Variants in GSE1 observed in about 807,000 individuals in gnomAD.
GSE1 encodes genetic suppressor element 1.
In GSE1, 32 loss-of-function variants were observed where a neutral mutation model predicts 112.6. That is an observed-to-expected ratio of 0.28 (90% CI 0.21 to 0.38). The LOEUF (loss-of-function observed/expected upper bound fraction) is 0.38, where lower values mean the gene tolerates loss of function less well. Ranked by LOEUF, GSE1 falls within the 10% of genes least tolerant of loss-of-function variation. The pLI is 1.00. For synonymous variants in GSE1, 1,115 were observed against 735.6 expected (o/e 1.52, Z -8.35); for missense variants, 2,348 against 1,699.2 (o/e 1.38, Z -6.71).
intron 1 of GSE1, among the ~76,000 whole-genome samples, chr16:85,253,235 C>G (rs557909822): frequency 7.9e-5 from 12 of 152,324 alleles, no homozygotes; most frequent in African/African-American, 2.9e-4. Context: ...CTCACAGCAC[C>G]CGCCTGGCTT....
In GSE1 at chr16:85,521,442, T is replaced by TG. The variant is rs551081465; in HGVS notation, c.2465-112472_2465-112471insG. Among the ~76,000 whole-genome samples the TG allele has an allele frequency of 3.1e-3, 473 of 152,252 alleles. 2 individuals carry two copies. Among genetic ancestry groups the TG allele is most frequent in the Middle Eastern group, 0.01 (3 of 294 alleles). On this transcript the variant is annotated intron_variant, in intron 2 of 2. Transcript: ENST00000637419. ...GCCTCCTTGGGCACACTCACTCTCC[T>TG]CCTGCCTGCAGCAGAATCCTGTCCA... is the stretch of plus-strand genomic sequence containing the variant.
intron 2 of GSE1, among the ~76,000 whole-genome samples, chr16:85,640,432 A>G (rs967609105): frequency 3.9e-5 from 6 of 152,214 alleles, no homozygotes; most frequent in Admixed American, 2.0e-4. Flanking sequence ...CTCTCTTGTC[A>G]TCGAGGCCCG....
At chr16:85,506,536 C>T (rs2051540251) in intron 2 of GSE1, among the ~76,000 whole-genome samples, 1 of 152,046 alleles carries the variant, frequency 6.6e-6, no homozygotes, top group Non-Finnish European at 1.5e-5. Flanking sequence ...ATCAGGGGAG[C>T]TTCTGGAGTG....
intron 2 of GSE1, among the ~76,000 whole-genome samples, chr16:85,470,588 A>G (rs941444909): frequency 2.6e-5 from 4 of 152,112 alleles, no homozygotes; most frequent in Non-Finnish European, 4.4e-5. Flanking sequence ...TTCCTTCCCA[A>G]TGCAATTGCT....
intron 2 of GSE1, among the ~76,000 whole-genome samples, chr16:85,362,952 C>A (rs531055284): frequency 8.6e-5 from 13 of 151,102 alleles, no homozygotes; most frequent in Admixed American, 2.6e-4. Context: ...TCTCCCACCT[C>A]AGCCTCCCGA....
At chr16:85,392,291 G>C (rs2047857996) in intron 2 of GSE1, among the ~76,000 whole-genome samples, 1 of 152,216 alleles carries the variant, frequency 6.6e-6, no homozygotes, top group Non-Finnish European at 1.5e-5. Flanking sequence ...GATCCAGAAA[G>C]AAAAACACAG....
chr16:85,602,509 C>A (rs77426487), intron 1 of GSE1, among the ~76,000 whole-genome samples: 1,595 of 152,226 alleles, frequency 0.01, 19 homozygotes, highest in Non-Finnish European at 0.019. Flanking sequence ...GCTCCCCTGA[C>A]CTTGCCGGAT....
At chr16:85,671,413 C>T (rs2053321876) in intron 15 of GSE1, among the ~76,000 whole-genome samples, 1 of 126,804 alleles carries the variant, frequency 7.9e-6, no homozygotes, top group African/African-American at 3.1e-5. Context: ...GCACTCCAGC[C>T]TGGGCGACAG....
At chr16:85,198,676 T>C (rs2074973453) in intron 1 of GSE1, among the ~76,000 whole-genome samples, 1 of 152,174 alleles carries the variant, frequency 6.6e-6, no homozygotes, top group Admixed American at 6.5e-5. Context: ...ATGCCCCCAT[T>C]TGATTCCGCC....
intron 1 of GSE1, among the ~76,000 whole-genome samples, chr16:85,339,665 C>T (rs1026229134): frequency 5.3e-5 from 8 of 149,602 alleles, no homozygotes; most frequent in East Asian, 3.9e-4. Flanking sequence ...GGGGTGGGGG[C>T]GGTTCTTTTT....
At chr16:85,292,030 G>GC (rs1256121179) in intron 1 of GSE1, among the ~76,000 whole-genome samples, 3 of 152,094 alleles carry the variant, frequency 2.0e-5, no homozygotes, top group African/African-American at 4.8e-5. Flanking sequence ...GGGAGGTGCC[G>GC]CCCCCCATAT....
intron 2 of GSE1, among the ~76,000 whole-genome samples, chr16:85,455,984 G>C (rs2049816140): frequency 6.6e-6 from 1 of 152,216 alleles, no homozygotes; most frequent in South Asian, 2.1e-4. Context: ...TAGAGACGAG[G>C]AAACTAAGGC....
intron 1 of GSE1, among the ~76,000 whole-genome samples, chr16:85,234,898 C>A (rs1025684793): frequency 6.6e-6 from 1 of 152,150 alleles, no homozygotes. Flanking sequence ...GAAACAAAGG[C>A]GGCTGCCGGC....
rs535966937 is a variant in GSE1, at chr16:85,326,060, A to G, written c.2284-31403A>G. ...CCACCCCCAGCTCAGTCAATTTTAAAAATACGTTCATATGAAAAATTTGAC... is the reference window on the plus strand; with the variant it reads ...CCACCCCCAGCTCAGTCAATTTTAAGAATACGTTCATATGAAAAATTTGAC... On this transcript the variant is annotated intron_variant, in intron 1 of 2. Transcript: ENST00000637419. 3.9e-5 allele frequency among the ~76,000 whole-genome samples: 6 copies of G among 152,270 alleles called. No homozygotes were observed. The South Asian group carries it at 1.2e-3, about 32-fold the overall frequency.
At position 85,204,733 on chromosome 16, in the gene GSE1, C is replaced by T. The variant is rs114086791; in HGVS notation, c.2283+32926C>T. On this transcript the variant is annotated intron_variant, in intron 1 of 2. Coordinates refer to the GSE1 transcript ENST00000637419. ...AGGGATCTGCCCTTCTTGGGGACTC[C>T]TGTTTCCCCAGCAGCAAGCTGAGCT... 6.2e-3 allele frequency among the ~76,000 whole-genome samples: 947 copies of T among 152,362 alleles called. 17 individuals are homozygous for T. The highest frequency in any genetic ancestry group is 0.022 in the African/African-American group (906 of 41,582).
intron 1 of GSE1, among the ~76,000 whole-genome samples, chr16:85,312,170 T>C (rs897990271): frequency 1.5e-5 from 2 of 135,742 alleles, no homozygotes; most frequent in African/African-American, 6.1e-5. Flanking sequence ...TCAGAGAACA[T>C]TGCAATCCCT....
rs11864799 is a variant in GSE1, at chr16:85,332,534, T to C, written c.2284-24929T>C. Reference sequence around the variant, plus strand: ...CCAGCAGCTCTTGGTTAATATGACTTACGGTGTCCAAAGCCCCCTCCCCGT... The same window carrying C: ...CCAGCAGCTCTTGGTTAATATGACTCACGGTGTCCAAAGCCCCCTCCCCGT... On this transcript the variant is annotated intron_variant, in intron 1 of 2. Transcript: ENST00000637419. Among the ~76,000 whole-genome samples the C allele has an allele frequency of 1.9e-3, 283 of 152,172 alleles. 1 individual carries two copies. Among genetic ancestry groups the C allele is most frequent in the African/African-American group, 6.7e-3 (277 of 41,530 alleles).
At chr16:85,420,569 G>C (rs937614886) in intron 2 of GSE1, among the ~76,000 whole-genome samples, 2 of 152,128 alleles carry the variant, frequency 1.3e-5, no homozygotes, top group African/African-American at 4.8e-5. Flanking sequence ...TGCCTCCTTT[G>C]TGTCACCACC....
At chr16:85,634,715 G>A (rs959338551) in intron 2 of GSE1, among the ~76,000 whole-genome samples, 10 of 152,220 alleles carry the variant, frequency 6.6e-5, no homozygotes, top group African/African-American at 2.4e-4. Context: ...AGGACCTGCT[G>A]TGTGAACCTG....
Sources: allele counts gnomAD v4.1 joint callset (sites outside exome capture counted in the v4.1 genomes callset), GRCh38; gene constraint gnomAD v4.1.1; transcripts MANE v1.5; gene names NCBI Gene and HGNC (gene_info 2026-07-23, HGNC 2026-07-21).